Variants in TNNI1 observed in about 807,000 individuals in gnomAD.
TNNI1 encodes the protein troponin I1, slow skeletal type.
Under a neutral mutation model 26.7 loss-of-function variants are expected in TNNI1, and 14 were observed. That is an observed-to-expected ratio of 0.52 (90% CI 0.35 to 0.82). The LOEUF (loss-of-function observed/expected upper bound fraction) is 0.82, where lower values mean the gene tolerates loss of function less well. TNNI1 is among the 40% of genes least tolerant of loss of function. The pLI is 0.01. For missense variants in TNNI1, 164 were observed against 257.0 expected, an observed-to-expected ratio of 0.64 and a Z score of 2.47; for synonymous variants, 79 against 98.2, an observed-to-expected ratio of 0.80 and a Z score of 1.16.
rs1222328663 is a variant in TNNI1, at chr1:201,406,524, T to C, written c.*2729A>G. Reference sequence around the variant, plus strand: ...CTTTCTCCTAGGGTTGTTGTGAAAGTTAAATAAATTAAGGTGTACATGCTG... The same window carrying C: ...CTTTCTCCTAGGGTTGTTGTGAAAGCTAAATAAATTAAGGTGTACATGCTG... On this transcript the variant is annotated 3_prime_UTR_variant, in exon 9 of 9. Coordinates refer to ENST00000361379, the MANE Select transcript of TNNI1 (RefSeq NM_003281.4). 2.0e-5 allele frequency: 3 copies of C among 152,176 alleles called. No homozygotes were observed. Among genetic ancestry groups the C allele is most frequent in the African/African-American group, 7.2e-5 (3 of 41,426 alleles). 9.4% of individuals were successfully genotyped at this position (152,176 alleles called of 1,614,324 possible).
chr1:201,412,913 G>T, intron 6 of TNNI1, 119 bp downstream of exon 6: 1 of 981,310 alleles, frequency 1.0e-6, no homozygotes, highest in African/African-American at 1.6e-5. Context: ...AAAGTTTCCT[G>T]CTTAAGTGGC....
intron 8 of TNNI1, chr1:201,409,989 T>G (rs974767977): frequency 5.2e-6 from 1 of 194,042 alleles, no homozygotes; most frequent in Non-Finnish European, 1.0e-5. Flanking sequence ...AGTTTCCAAT[T>G]TAGTGGATCT....
In TNNI1 at chr1:201,405,778, C is replaced by T. The variant is rs1395835626; in HGVS notation, c.*3475G>A. ...GGAGCAACAGCTGGTCTCCCAAGGGCTCTGGGACAGGCAAGAGTGTAGCAG... is the reference window on the plus strand; with the variant it reads ...GGAGCAACAGCTGGTCTCCCAAGGGTTCTGGGACAGGCAAGAGTGTAGCAG... On this transcript the variant is annotated 3_prime_UTR_variant, in exon 9 of 9. Transcript: ENST00000361379. 1 of 152,402 alleles carries T rather than the reference C, an allele frequency of 6.6e-6. No homozygotes were observed. Among genetic ancestry groups the T allele is most frequent in the African/African-American group, 2.4e-5 (1 of 41,450 alleles). The allele number at this position is 152,402 out of a possible 1,614,324, so 9.4% of individuals were successfully genotyped here. A position where few individuals can be genotyped will look rare whatever the true frequency, so the allele number is the denominator to read the frequency against.
intron 6 of TNNI1, 83 bp downstream of exon 6, chr1:201,412,949 G>A (rs1025924392): frequency 1.1e-5 from 15 of 1,397,802 alleles, no homozygotes; most frequent in Non-Finnish European, 1.4e-5. Context: ...GTGGAAGGAG[G>A]GGACCTCCCA....
At chr1:201,414,780 A>C in intron 4 of TNNI1, 131 bp from the exon 5 acceptor site, 1 of 1,423,094 alleles carries the variant, frequency 7.0e-7, no homozygotes, top group South Asian at 1.4e-5. Context: ...TGCAGCAGCC[A>C]TGGACAGGCC....
chr1:201,414,477 C>A lies in TNNI1; in HGVS notation c.189+41G>T, dbSNP rs12039327. Reference sequence around the variant, plus strand: ...GGTCCTTGGAGCCACCCACACAGCACCTCCAGCCCCACCCTGCCCCGCCCC... The same window carrying A: ...GGTCCTTGGAGCCACCCACACAGCAACTCCAGCCCCACCCTGCCCCGCCCC... On this transcript the variant is annotated intron_variant, in intron 5 of 8. Coordinates refer to ENST00000361379, the MANE Select transcript of TNNI1 (RefSeq NM_003281.4). The A allele has an allele frequency of 8.1e-5, 121 of 1,496,922 alleles. 1 individual carries two copies. In the East Asian group the frequency reaches 2.8e-3, roughly 35 times the overall value. The allele number at this position is 1,496,922 out of a possible 1,614,324, so 92.7% of individuals were successfully genotyped here. A position where few individuals can be genotyped will look rare whatever the true frequency, so the allele number is the denominator to read the frequency against.
rs560709957 is a variant in TNNI1 at position 201,416,518 on chromosome 1, T to C, written c.15+598A>G. On this transcript the variant is annotated intron_variant, in intron 3 of 8. Coordinates refer to ENST00000361379, the MANE Select transcript of TNNI1 (RefSeq NM_003281.4). Reference sequence around the variant, plus strand: ...ATCAATACTGCTAATTCTCACTGTTTCCATCCCTGGGCCCACATCCCTATC... The same window carrying C: ...ATCAATACTGCTAATTCTCACTGTTCCCATCCCTGGGCCCACATCCCTATC... Among the ~76,000 whole-genome samples the C allele has an allele frequency of 2.0e-5, 3 of 152,342 alleles. No homozygotes were observed. In the East Asian group the frequency reaches 5.8e-4, roughly 29 times the overall value.
Position 201,415,363 on chromosome 1 carries a change from A to T in TNNI1, c.16-109T>A, listed in dbSNP as rs112722235. 4,907 of 1,162,380 alleles carry T rather than the reference A, an allele frequency of 4.2e-3. 143 individuals carry two copies. In the African/African-American group the frequency reaches 0.064, roughly 15 times the overall value. The allele number at this position is 1,162,380 out of a possible 1,614,324, so 72.0% of individuals were successfully genotyped here. A position where few individuals can be genotyped will look rare whatever the true frequency, so the allele number is the denominator to read the frequency against. ...CCAGCGTTCTCTATCTTTATCCGGA[A>T]TCCTCTGCTCACCCTACGGTGCCTT... On this transcript the variant is annotated intron_variant, in intron 3 of 8. Coordinates refer to ENST00000361379, the MANE Select transcript of TNNI1 (RefSeq NM_003281.4).
intron 6 of TNNI1, 37 bp downstream of exon 6, chr1:201,412,995 C>A: frequency 6.2e-7 from 1 of 1,604,282 alleles, no homozygotes; most frequent in Non-Finnish European, 8.5e-7. Context: ...CCTGCCCAAC[C>A]CATTATGGCC....
Position 201,415,194 on chromosome 1 carries a change from A to G in TNNI1, c.57+19T>C. On this transcript the variant is annotated intron_variant, in intron 4 of 8. Coordinates refer to ENST00000361379, the MANE Select transcript of TNNI1 (RefSeq NM_003281.4). ...TGCCTCCCACTGGGCATCCCCCCAC[A>G]GCCAGCCCCCAGCCTCACCTTCAGC... 1 of 1,610,972 alleles carries G rather than the reference A, an allele frequency of 6.2e-7. No individual in the cohort carries two copies. The highest frequency in any genetic ancestry group is 8.5e-7 in the Non-Finnish European group (1 of 1,177,682).
In TNNI1 at chr1:201,416,090, T is replaced by A. The variant is rs555152752; in HGVS notation, c.16-836A>T. ...TCAAATGTTATTCCAGGGTGTCAAG[T>A]AGAAGTGATTAGGCTTTGAGAGGGA... On this transcript the variant is annotated intron_variant, in intron 3 of 8. Transcript: ENST00000361379. 2.0e-5 allele frequency among the ~76,000 whole-genome samples: 3 copies of A among 152,254 alleles called. No homozygotes were observed. The South Asian group carries it at 6.2e-4, about 32-fold the overall frequency.
intron 2 of TNNI1, 29 bp from the exon 3 acceptor site, chr1:201,417,148 G>A (rs1662757196): frequency 3.1e-6 from 5 of 1,614,042 alleles, no homozygotes; most frequent in African/African-American, 1.3e-5. Context: ...GGAAGGACGG[G>A]GAAAGAGCAG....
chr1:201,418,058 T>C (rs1662785835), intron 1 of TNNI1, among the ~76,000 whole-genome samples: 3 of 151,868 alleles, frequency 2.0e-5, no homozygotes. Flanking sequence ...TTTTTTTTTT[T>C]TTTTTTTAAG....
chr1:201,411,804 G>C lies in TNNI1; in HGVS notation c.280-271C>G, dbSNP rs749934940. ...CATGAGTTTGATTCTCATAAGGAGCGTGCAACCTAGATCCCTCACATGCAC... is the reference window on the plus strand; with the variant it reads ...CATGAGTTTGATTCTCATAAGGAGCCTGCAACCTAGATCCCTCACATGCAC... On this transcript the variant is annotated intron_variant, in intron 6 of 8. Coordinates refer to ENST00000361379, the MANE Select transcript of TNNI1 (RefSeq NM_003281.4). The surrounding 1 kb of genome is among the most constrained non-coding windows in gnomAD (Gnocchi z 4.6). Among the ~76,000 whole-genome samples the C allele has an allele frequency of 6.6e-6, 1 of 152,094 alleles. No individual in the cohort carries two copies. Among genetic ancestry groups the C allele is most frequent in the Non-Finnish European group, 1.5e-5 (1 of 68,020 alleles).
intron 4 of TNNI1, 81 bp downstream of exon 4, chr1:201,415,132 C>A (rs969643349): frequency 7.8e-7 from 1 of 1,288,708 alleles, no homozygotes; most frequent in African/African-American, 1.5e-5. Flanking sequence ...TTGCCATAAT[C>A]CTCCACATCC....
rs1333622804 is a variant in TNNI1 at position 201,407,932 on chromosome 1, ACT to A, written c.*1319_*1320del. ...GTGGCACGCACCTGTAATCCCAGCT[ACT>A]CAGGAGGTTGAAGCAGGAGAATCGC... is the stretch of plus-strand genomic sequence containing the variant. On this transcript the variant is annotated 3_prime_UTR_variant, in exon 9 of 9. Transcript: ENST00000361379. The A allele has an allele frequency of 1.3e-5, 2 of 151,920 alleles. No individual in the cohort carries two copies. Among genetic ancestry groups the A allele is most frequent in the Non-Finnish European group, 2.9e-5 (2 of 68,140 alleles). 9.4% of individuals were successfully genotyped at this position (151,920 alleles called of 1,614,324 possible).
Position 201,417,766 on chromosome 1 carries a change from G to T in TNNI1, c.11+17C>A. On this transcript the variant is annotated intron_variant, in intron 2 of 8. Transcript: ENST00000361379. ...ACTTGCCTTCCTGGGGCCCCAGATG[G>T]CAGTGAGACTACTTACACTTCCGGC... 1 of 1,313,942 alleles carries T rather than the reference G, an allele frequency of 7.6e-7. No individual in the cohort carries two copies. The highest frequency in any genetic ancestry group is 9.8e-7 in the Non-Finnish European group (1 of 1,022,324). 81.4% of individuals were successfully genotyped at this position (1,313,942 alleles called of 1,614,324 possible). A position where few individuals can be genotyped will look rare whatever the true frequency, so the allele number is the denominator to read the frequency against.
At position 201,408,507 on chromosome 1, in the gene TNNI1, A is replaced by C. The variant is rs1384597354; in HGVS notation, c.*746T>G. ...TCTCAACCCAGCACACATCAGGGAG[A>C]GTTAATCCAGGTTTGCAGAGGAAGG... is the stretch of plus-strand genomic sequence containing the variant. On this transcript the variant is annotated 3_prime_UTR_variant, in exon 9 of 9. Transcript: ENST00000361379. 6.6e-6 allele frequency: 1 copy of C among 152,332 alleles called. No individual in the cohort carries two copies. The highest frequency in any genetic ancestry group is 1.5e-5 in the Non-Finnish European group (1 of 68,200). 9.4% of individuals were successfully genotyped at this position (152,332 alleles called of 1,614,324 possible). A position where few individuals can be genotyped will look rare whatever the true frequency, so the allele number is the denominator to read the frequency against.
In TNNI1 at chr1:201,406,981, T is replaced by G. The variant is rs1189629359; in HGVS notation, c.*2272A>C. The G allele has an allele frequency of 6.6e-6, 1 of 152,322 alleles. No homozygotes were observed. Among genetic ancestry groups the G allele is most frequent in the Non-Finnish European group, 1.5e-5 (1 of 68,108 alleles). 9.4% of individuals were successfully genotyped at this position (152,322 alleles called of 1,614,324 possible). On this transcript the variant is annotated 3_prime_UTR_variant, in exon 9 of 9. Transcript: ENST00000361379. ...CCACCTCCTCCTCCCATGGGTCTTC[T>G]GCACCCACGTGTTTGCTTTGAGTCA... is the stretch of plus-strand genomic sequence containing the variant.
Sources: allele counts gnomAD v4.1 joint callset (sites outside exome capture counted in the v4.1 genomes callset), GRCh38; gene constraint gnomAD v4.1.1; non-coding constraint Gnocchi (gnomAD v3.1); transcripts MANE v1.5; gene names NCBI Gene and HGNC (gene_info 2026-07-23, HGNC 2026-07-21).